ANXA4: variants seen among roughly 807,000 people sequenced by gnomAD.
ANXA4 encodes the protein annexin A4, also known as 35-beta calcimedin.
ANXA4 carries 39 observed loss-of-function variants against 49.8 expected under a neutral mutation model. The ratio of observed to expected loss-of-function variants is 0.78; its 90% CI spans 0.61 to 1.02. ANXA4 has a LOEUF of 1.02. Ranked by LOEUF, ANXA4 falls within the 50% of genes least tolerant of loss-of-function variation. ANXA4 has a pLI of 0.00. For synonymous variants in ANXA4, 134 were observed against 152.5 expected (o/e 0.88, Z 0.89); for missense variants, 360 against 410.1 (o/e 0.88, Z 1.05).
intron 1 of ANXA4, among the ~76,000 whole-genome samples, chr2:69,775,614 T>G (rs906559849): frequency 1.3e-5 from 2 of 152,226 alleles, no homozygotes; most frequent in African/African-American, 4.8e-5. Flanking sequence ...GGATAGTGTG[T>G]GGGTTAGTTT....
At chr2:69,696,448 C>T (rs573439918) in intron 2 of ANXA4, among the ~76,000 whole-genome samples, 1 of 152,320 alleles carries the variant, frequency 6.6e-6, no homozygotes, top group South Asian at 2.1e-4. Flanking sequence ...CCATTGAAGT[C>T]TCAGACCCCA....
In ANXA4 at chr2:69,718,764, T is replaced by C. The variant is rs375841587; in HGVS notation, n.767-2010T>C. On this transcript the variant is annotated intron_variant and non_coding_transcript_variant, in intron 2 of 3. Transcript: ENST00000418066. ...ACACACATACATGCATACACACACA[T>C]ACACACACATTCACACACATGCATA... 1.4e-3 allele frequency among the ~76,000 whole-genome samples: 206 copies of C among 146,440 alleles called. 1 individual carries two copies. Among genetic ancestry groups the C allele is most frequent in the African/African-American group, 5.3e-3 (192 of 36,326 alleles).
chr2:69,810,525 C>A, intron 6 of ANXA4, 69 bp from the exon 7 acceptor site: 2 of 1,333,048 alleles, frequency 1.5e-6, no homozygotes, highest in Non-Finnish European at 2.2e-6. Flanking sequence ...GGACAGATTG[C>A]TCTGGAGTGT....
At chr2:69,793,262 A>G (rs1672779336) in intron 3 of ANXA4, among the ~76,000 whole-genome samples, 2 of 152,014 alleles carry the variant, frequency 1.3e-5, no homozygotes, top group East Asian at 3.9e-4. Flanking sequence ...AAAAAAAAAA[A>G]GCAGTTTACA....
intron 3 of ANXA4, among the ~76,000 whole-genome samples, chr2:69,796,680 G>A (rs1396994121): frequency 6.6e-6 from 1 of 152,178 alleles, no homozygotes; most frequent in Non-Finnish European, 1.5e-5. Context: ...TGTAGGGGTA[G>A]AAGTGAAGCT....
At chr2:69,715,495 A>T (rs1409724337) in intron 2 of ANXA4, among the ~76,000 whole-genome samples, 2 of 152,254 alleles carry the variant, frequency 1.3e-5, no homozygotes, top group African/African-American at 2.4e-5. Context: ...GGCATAAGCC[A>T]TCACGCCTGG....
At chr2:69,795,333 G>A (rs921630222) in intron 3 of ANXA4, among the ~76,000 whole-genome samples, 11 of 152,132 alleles carry the variant, frequency 7.2e-5, no homozygotes, top group African/African-American at 2.2e-4. Context: ...AGGATGTAAC[G>A]GTATGCAGAA....
intron 1 of ANXA4, among the ~76,000 whole-genome samples, chr2:69,647,796 A>G (rs1010783749): frequency 2.0e-5 from 3 of 152,104 alleles, no homozygotes; most frequent in African/African-American, 7.2e-5. Flanking sequence ...GACTCAGGTG[A>G]TCCTCCCACC....
intron 2 of ANXA4, among the ~76,000 whole-genome samples, chr2:69,669,848 C>T (rs1447064036): frequency 6.6e-6 from 1 of 152,110 alleles, no homozygotes; most frequent in Non-Finnish European, 1.5e-5. Context: ...ACATCTAATA[C>T]TTCTCCCACC....
chr2:69,688,817 T>C (rs1172241969), intron 2 of ANXA4, among the ~76,000 whole-genome samples: 1 of 152,234 alleles, frequency 6.6e-6, no homozygotes, highest in East Asian at 1.9e-4. Context: ...ATTTCTAATA[T>C]GACAAGATCT....
intron 1 of ANXA4, among the ~76,000 whole-genome samples, chr2:69,749,869 G>A (rs950298248): frequency 2.0e-5 from 3 of 151,596 alleles, no homozygotes; most frequent in Non-Finnish European, 4.4e-5. Context: ...GTTGCAGTGA[G>A]CCGAGATCAT....
At chr2:69,781,403 T>C in intron 1 of ANXA4, 117 bp from the exon 2 acceptor site, 2 of 788,328 alleles carry the variant, frequency 2.5e-6, no homozygotes, top group South Asian at 3.2e-5. Context: ...GGCCTTTTGA[T>C]TAAGTTGGGT....
At chr2:69,813,066 C>T (rs551173552) in intron 8 of ANXA4, among the ~76,000 whole-genome samples, 45 of 152,300 alleles carry the variant, frequency 3.0e-4, no homozygotes, top group African/African-American at 1.1e-3. Context: ...TAGCTTGACA[C>T]AGTGTATACC....
At chr2:69,782,541 A>G (rs1435977946) in intron 2 of ANXA4, among the ~76,000 whole-genome samples, 1 of 152,016 alleles carries the variant, frequency 6.6e-6, no homozygotes, top group Non-Finnish European at 1.5e-5. Context: ...TTTTATAGAG[A>G]TGAGGGGCTC....
intron 4 of ANXA4, 69 bp from the exon 5 acceptor site, chr2:69,806,316 A>T: frequency 8.7e-7 from 1 of 1,153,858 alleles, no homozygotes; most frequent in Non-Finnish European, 1.3e-6. Context: ...ACATCCCTGG[A>T]CCACACCTGG....
At chr2:69,770,641 T>C (rs1011774472) in intron 1 of ANXA4, among the ~76,000 whole-genome samples, 1 of 151,828 alleles carries the variant, frequency 6.6e-6, no homozygotes, top group Non-Finnish European at 1.5e-5. Flanking sequence ...CAATGCAACA[T>C]CCAGCAGACC....
At chr2:69,745,083 G>A (rs1425425822) in intron 1 of ANXA4, among the ~76,000 whole-genome samples, 2 of 152,094 alleles carry the variant, frequency 1.3e-5, no homozygotes, top group African/African-American at 4.8e-5. Context: ...AGGTGACAGA[G>A]TGAGATCCTG....
At chr2:69,775,950 A>G (rs1671942089) in intron 1 of ANXA4, among the ~76,000 whole-genome samples, 1 of 132,572 alleles carries the variant, frequency 7.5e-6, no homozygotes, top group Non-Finnish European at 1.6e-5. Flanking sequence ...AGGCCATTTT[A>G]TTTATTTTTA....
intron 1 of ANXA4, among the ~76,000 whole-genome samples, chr2:69,648,203 T>C (rs115976113): frequency 0.014 from 2,092 of 152,338 alleles, 46 homozygotes; most frequent in African/African-American, 0.047. Context: ...ATTACTTTTA[T>C]TGGTGTGGAA....
Sources: allele counts gnomAD v4.1 joint callset (sites outside exome capture counted in the v4.1 genomes callset), GRCh38; gene constraint gnomAD v4.1.1; transcripts MANE v1.5; gene names NCBI Gene and HGNC (gene_info 2026-07-23, HGNC 2026-07-21).